PHACTR2: variants seen among roughly 807,000 people sequenced by gnomAD.
PHACTR2 encodes phosphatase and actin regulator 2, also known as chromosome 6 open reading frame 56.
A neutral mutation model predicts 76.0 loss-of-function variants in PHACTR2; 30 were observed. The observed-to-expected ratio is 0.39, with a 90% CI of 0.30 to 0.54. The LOEUF (loss-of-function observed/expected upper bound fraction) is 0.54, where lower values mean the gene tolerates loss of function less well. Ranked by LOEUF, PHACTR2 falls within the 20% of genes least tolerant of loss-of-function variation. The pLI, the probability that PHACTR2 is intolerant of heterozygous loss-of-function variation, is 0.61. For missense variants in PHACTR2, 696 were observed against 781.1 expected, an observed-to-expected ratio of 0.89 and a Z score of 1.30; for synonymous variants, 292 against 292.5, an observed-to-expected ratio of 1.00 and a Z score of 0.02.
In PHACTR2 at chr6:143,596,652, A is replaced by G. The variant is rs562411049; in HGVS notation, c.217+59445A>G. 7.4e-4 allele frequency among the ~76,000 whole-genome samples: 113 copies of G among 152,224 alleles called. No homozygotes were observed. The highest frequency in any genetic ancestry group is 3.4e-3 in the Middle Eastern group (1 of 294). ...CTAGTAGTTTGAGATCAGCCTGGGC[A>G]ACATAGTGAGACCCCATTTTACTAA... On this transcript the variant is annotated intron_variant, in intron 1 of 11. Transcript: ENST00000367584. The surrounding 1 kb of genome is among the most constrained non-coding windows in gnomAD (Gnocchi z 4.6).
upstream of PHACTR2, among the ~76,000 whole-genome samples, chr6:143,604,436 T>C (rs1027838524): frequency 7.9e-5 from 12 of 152,200 alleles, no homozygotes; most frequent in Non-Finnish European, 1.5e-4. Flanking sequence ...TGGAGTGGTG[T>C]TTCTGCTCTT....
At position 143,548,370 on chromosome 6, in the gene PHACTR2, G is replaced by A. The variant is rs547619921; in HGVS notation, c.217+11163G>A. On this transcript the variant is annotated intron_variant, in intron 1 of 11. Transcript: ENST00000367584. The surrounding 1 kb of genome is among the most constrained non-coding windows in gnomAD (Gnocchi z 4.5). ...TTGAAGGGATATAAGCATTCAGTCCGTAACACTACCTAACTAATCTGTCTT... is the reference window on the plus strand; with the variant it reads ...TTGAAGGGATATAAGCATTCAGTCCATAACACTACCTAACTAATCTGTCTT... Among the ~76,000 whole-genome samples the A allele has an allele frequency of 2.4e-3, 368 of 152,152 alleles. 1 individual carries two copies. The highest frequency in any genetic ancestry group is 0.01 in the South Asian group (50 of 4,806).
At chr6:143,687,861 A>T (rs1777557800) in intron 1 of PHACTR2, among the ~76,000 whole-genome samples, 1 of 152,176 alleles carries the variant, frequency 6.6e-6, no homozygotes, top group Admixed American at 6.5e-5. Context: ...TTATGAGGGG[A>T]TATTAAGAAG....
intron 2 of PHACTR2, among the ~76,000 whole-genome samples, chr6:143,721,498 C>A (rs1778442077): frequency 6.6e-6 from 1 of 152,132 alleles, no homozygotes; most frequent in Admixed American, 6.5e-5. Flanking sequence ...CAGGAATCAA[C>A]CCTGTCTCCA....
Position 143,777,376 on chromosome 6 carries a change from C to A in PHACTR2, c.1638C>A (p.Ile546=), listed in dbSNP as rs749016205. 5.1e-6 allele frequency: 8 copies of A among 1,581,386 alleles called. No homozygotes were observed. The highest frequency in any genetic ancestry group is 6.1e-6 in the Non-Finnish European group (7 of 1,152,370). ...PTTEELEQRN[I]LKQKNEEEEQ... is the part of the protein sequence containing the mutation. ...CTGAAGAATTAGAGCAAAGAAACAT[C>A]CTAAAACGTGAGTATTCTATACTAT... The change falls in exon 9 of 13, where the codon ATC becomes ATA. Residue 546 remains isoleucine, a synonymous_variant. Transcript: ENST00000440869. This position sits in a 1 kb window ranked among gnomAD's most constrained non-coding sequence, Gnocchi z 4.6.
rs376915865 is a variant in PHACTR2 at position 143,658,277 on chromosome 6, A to G, written c.13+49955A>G. Among the ~76,000 whole-genome samples, 22 of 152,360 alleles carry G rather than the reference A, an allele frequency of 1.4e-4. No homozygotes were observed. Among genetic ancestry groups the G allele is most frequent in the African/African-American group, 4.6e-4 (19 of 41,600 alleles). The stretch of plus-strand genomic sequence containing the variant: ...AATTTGGGTACAAATATAGAAATAC[A>G]CCTTCAAATTAACAAGGGAAATTCA... On this transcript the variant is annotated intron_variant, in intron 1 of 11. Coordinates refer to the PHACTR2 transcript ENST00000305766. The surrounding 1 kb of genome is among the most constrained non-coding windows in gnomAD (Gnocchi z 4.1).
At chr6:143,607,250 G>T (rs1775889587), upstream of PHACTR2, among the ~76,000 whole-genome samples, 1 of 152,190 alleles carries the variant, frequency 6.6e-6, no homozygotes, top group Admixed American at 6.5e-5. Context: ...GTCCTATGAG[G>T]TCATTGCAAA....
At chr6:143,687,054 A>G (rs1037835445) in intron 1 of PHACTR2, among the ~76,000 whole-genome samples, 4 of 152,068 alleles carry the variant, frequency 2.6e-5, no homozygotes, top group Non-Finnish European at 5.9e-5. Flanking sequence ...TTTTAGGTTT[A>G]ATTGTTTTTT....
In PHACTR2 at chr6:143,783,150, G is replaced by T. The variant is rs1775472111; in HGVS notation, c.1646-69G>T. On this transcript the variant is annotated intron_variant, in intron 9 of 12. Transcript: ENST00000440869. This position sits in a 1 kb window ranked among gnomAD's most constrained non-coding sequence, Gnocchi z 5.2. ...TGTTAGAGTCACATGATCGTGGCCTGATACACTTTTCTGAATATGAAATCA... is the reference window on the plus strand; with the variant it reads ...TGTTAGAGTCACATGATCGTGGCCTTATACACTTTTCTGAATATGAAATCA... The T allele has an allele frequency of 2.2e-6, 2 of 921,538 alleles. No homozygotes were observed. The highest frequency in any genetic ancestry group is 1.9e-5 in the Admixed American group (1 of 51,502). The allele number at this position is 921,538 out of a possible 1,614,324, so 57.1% of individuals were successfully genotyped here. A position where few individuals can be genotyped will look rare whatever the true frequency, so the allele number is the denominator to read the frequency against.
Position 143,598,120 on chromosome 6 carries a change from C to A in PHACTR2, c.217+60913C>A, listed in dbSNP as rs921533971. 6.6e-6 allele frequency among the ~76,000 whole-genome samples: 1 copy of A among 151,988 alleles called. No homozygotes were observed. Among genetic ancestry groups the A allele is most frequent in the Admixed American group, 6.6e-5 (1 of 15,244 alleles). On this transcript the variant is annotated intron_variant, in intron 1 of 11. Coordinates refer to the PHACTR2 transcript ENST00000367584. This position sits in a 1 kb window ranked among gnomAD's most constrained non-coding sequence, Gnocchi z 4.1. ...CCCAAAAAAGAACCATATCTTAACC[C>A]CTTAAACCTGTGAATATGTTACTTT...
At chr6:143,813,708 G>A (rs1776233647) in intron 12 of PHACTR2, among the ~76,000 whole-genome samples, 3 of 151,706 alleles carry the variant, frequency 2.0e-5, no homozygotes, top group African/African-American at 7.3e-5. Flanking sequence ...TTATAGAGTG[G>A]GGTTATAGTA....
At position 143,557,732 on chromosome 6, in the gene PHACTR2, A is replaced by C. The variant is rs928558077; in HGVS notation, c.217+20525A>C. The C allele has an allele frequency of 6.6e-6, 1 of 152,202 alleles. No homozygotes were observed. Among genetic ancestry groups the C allele is most frequent in the Admixed American group, 6.5e-5 (1 of 15,274 alleles). 9.4% of individuals were successfully genotyped at this position (152,202 alleles called of 1,614,324 possible). A position where few individuals can be genotyped will look rare whatever the true frequency, so the allele number is the denominator to read the frequency against. On this transcript the variant is annotated intron_variant, in intron 1 of 11. Coordinates refer to the PHACTR2 transcript ENST00000367584. The surrounding 1 kb of genome is among the most constrained non-coding windows in gnomAD (Gnocchi z 5.5). ...GCGTACCCCACCCTCCTTCGTCAGC[A>C]TGCTGCCACCTTTGAAACACAGGCG...
intron 1 of PHACTR2, among the ~76,000 whole-genome samples, chr6:143,635,242 T>C (rs1311044172): frequency 6.6e-6 from 1 of 152,214 alleles, no homozygotes; most frequent in Non-Finnish European, 1.5e-5. Flanking sequence ...TATACATGGA[T>C]ATTTTAAATA....
chr6:143,615,164 A>G (rs1452634528), intron 1 of PHACTR2, among the ~76,000 whole-genome samples: 2 of 152,214 alleles, frequency 1.3e-5, no homozygotes, highest in Non-Finnish European at 2.9e-5. Flanking sequence ...AGTTACATAT[A>G]AGTAGCTGAG....
chr6:143,559,690 CTTTTTTTTTTTTTTT>C (rs5880566), intron 1 of PHACTR2, among the ~76,000 whole-genome samples: 40 of 31,896 alleles, frequency 1.3e-3, no homozygotes, highest in African/African-American at 3.8e-3. Context: ...TTTTTCTTTT[CTTTTTTTTTTTTTTT>C]TTTTTTTTTT....
At chr6:143,667,417 C>T (rs1025526444) in intron 1 of PHACTR2, among the ~76,000 whole-genome samples, 1 of 151,806 alleles carries the variant, frequency 6.6e-6, no homozygotes, top group Non-Finnish European at 1.5e-5. Context: ...TCTTTGAAGT[C>T]AGTGGTAGCT....
Position 143,655,607 on chromosome 6 carries a change from T to G in PHACTR2, c.13+47285T>G, listed in dbSNP as rs114851337. 9.2e-3 allele frequency among the ~76,000 whole-genome samples: 1,397 copies of G among 152,354 alleles called. 28 individuals carry two copies. Among genetic ancestry groups the G allele is most frequent in the African/African-American group, 0.031 (1,301 of 41,570 alleles). The stretch of plus-strand genomic sequence containing the variant: ...TGACTTCACTTGCTTTCTCAGATGT[T>G]TCTTAGAAAACATCCAAAGCAAAGA... On this transcript the variant is annotated intron_variant, in intron 1 of 11. Coordinates refer to the PHACTR2 transcript ENST00000305766.
rs908982290 is a variant in PHACTR2, at chr6:143,780,573, C to A, written c.1646-2646C>A. ...GAATTAACAACTCAAGAAGATAATA[C>A]TCCAATTGCTGGTATTTTTATACTT... On this transcript the variant is annotated intron_variant, in intron 9 of 12. Transcript: ENST00000440869. The surrounding 1 kb of genome is among the most constrained non-coding windows in gnomAD (Gnocchi z 4.4). 1.3e-5 allele frequency among the ~76,000 whole-genome samples: 2 copies of A among 152,226 alleles called. No homozygotes were observed. The highest frequency in any genetic ancestry group is 2.4e-5 in the African/African-American group (1 of 41,456).
chr6:143,752,353 A>T (rs775665799), intron 3 of PHACTR2, among the ~76,000 whole-genome samples: 3 of 151,802 alleles, frequency 2.0e-5, no homozygotes, highest in Non-Finnish European at 2.9e-5. Context: ...TTTTATCTGG[A>T]TATATTGTGT....
Sources: allele counts gnomAD v4.1 joint callset (sites outside exome capture counted in the v4.1 genomes callset), GRCh38; gene constraint gnomAD v4.1.1; non-coding constraint Gnocchi (gnomAD v3.1); transcripts MANE v1.5; gene names NCBI Gene and HGNC (gene_info 2026-07-23, HGNC 2026-07-21).